The following INPP5F variants were observed in gnomAD, a reference collection of about 807,000 sequenced individuals.
The protein encoded by INPP5F is inositol polyphosphate-5-phosphatase F, also known as phosphatidylinositide 4-phosphatase SAC2.
A neutral mutation model predicts 137.2 loss-of-function variants in INPP5F; 97 were observed. The observed-to-expected ratio is 0.71, with a 90% confidence interval of 0.60 to 0.84. The LOEUF (loss-of-function observed/expected upper bound fraction) is 0.84. Among genes scored for constraint, INPP5F ranks in the 40% least tolerant of loss-of-function variants. INPP5F has a pLI of 0.00. For missense variants in INPP5F, 1,271 were observed against 1,371.9 expected, an observed-to-expected ratio of 0.93 and a Z score of 1.16; for synonymous variants, 504 against 476.9, an observed-to-expected ratio of 1.06 and a Z score of -0.74.
intron 6 of INPP5F, among the ~76,000 whole-genome samples, chr10:119,793,834 G>A (rs1850232183): frequency 6.6e-6 from 1 of 151,928 alleles, no homozygotes; most frequent in East Asian, 1.9e-4. Flanking sequence ...TAGTAGAGAC[G>A]GGGTTTCACC....
chr10:119,781,433 A>C (rs886137583), intron 2 of INPP5F, among the ~76,000 whole-genome samples: 1 of 152,150 alleles, frequency 6.6e-6, no homozygotes, highest in African/African-American at 2.4e-5. Context: ...TTTAATTTAC[A>C]TTTCTCTAAT....
Position 119,751,121 on chromosome 10 carries a change from T to C in INPP5F, c.143T>C (p.Val48Ala). 1 of 1,611,564 alleles carries C rather than the reference T, an allele frequency of 6.2e-7. No homozygotes were observed. Among genetic ancestry groups the C allele is most frequent in the Non-Finnish European group, 8.5e-7 (1 of 1,177,596 alleles). Residue 48 changes from valine (V) to alanine (A), a missense_variant, in exon 2 of 20, where the codon GTA (valine) becomes GCA (alanine). This residue lies in a region of INPP5F where 109 missense variants were observed against 105.1 expected (regional missense o/e 1.04). Coordinates refer to ENST00000650623, the MANE Select transcript of INPP5F (RefSeq NM_014937.4). ...LAWNPICLGL[V>A]EGVIGKIQLH... Reference sequence around the variant, plus strand: ...TGGAATCCCATTTGTTTGGGGTTGGTAGAAGGTGTTATTGGGAAAATTCAA... The same window carrying C: ...TGGAATCCCATTTGTTTGGGGTTGGCAGAAGGTGTTATTGGGAAAATTCAA...
At chr10:119,815,553 A>G (rs142720671) in intron 15 of INPP5F, 7 of 222,926 alleles carry the variant, frequency 3.1e-5, no homozygotes, top group African/African-American at 1.4e-4. Context: ...GGTTGTGAAA[A>G]TGTTGTCTTC....
At chr10:119,758,322 G>A (rs1023858518) in intron 2 of INPP5F, among the ~76,000 whole-genome samples, 1 of 152,120 alleles carries the variant, frequency 6.6e-6, no homozygotes, top group African/African-American at 2.4e-5. Flanking sequence ...GGAGCGGGGA[G>A]GCCTTGAGAG....
intron 15 of INPP5F, chr10:119,818,918 C>T (rs1851418843): frequency 6.6e-6 from 1 of 152,318 alleles, no homozygotes; most frequent in African/African-American, 2.4e-5. Context: ...CAAGATTTTT[C>T]TCCTTTTTGC....
chr10:119,752,799 AGTT>A (rs968780729), intron 2 of INPP5F, among the ~76,000 whole-genome samples: 2 of 151,920 alleles, frequency 1.3e-5, no homozygotes, highest in African/African-American at 4.8e-5. Context: ...AATGATATTA[AGTT>A]GTTTTTGTTC....
chr10:119,735,648 T>C (rs1362102285), intron 1 of INPP5F, among the ~76,000 whole-genome samples: 1 of 152,164 alleles, frequency 6.6e-6, no homozygotes, highest in East Asian at 1.9e-4. Context: ...CTGTGGTGGG[T>C]GGACCCGGGA....
At chr10:119,812,932 G>A (rs1413004694) in intron 15 of INPP5F, among the ~76,000 whole-genome samples, 2 of 149,226 alleles carry the variant, frequency 1.3e-5, no homozygotes, top group African/African-American at 4.9e-5. Flanking sequence ...AAAAAAAAAA[G>A]AGTACTTTTA....
intron 1 of INPP5F, among the ~76,000 whole-genome samples, chr10:119,737,087 C>G (rs555425198): frequency 3.3e-5 from 5 of 152,224 alleles, no homozygotes; most frequent in African/African-American, 1.2e-4. Context: ...TCTGGGCCCC[C>G]CAAAGTGCTG....
Position 119,805,419 on chromosome 10 carries a change from CAG to C in INPP5F, c.1279_1280del (p.Asp427CysfsTer4). 6.2e-7 allele frequency: 1 copy of C among 1,613,278 alleles called. No homozygotes were observed. The highest frequency in any genetic ancestry group is 8.5e-7 in the Non-Finnish European group (1 of 1,179,350). ...AAGTTTGAGAATGTTCAGACACTAA[CAG>C]ATGCCATTTATGACATTATTCTTGA... On this transcript the variant is annotated frameshift_variant, in exon 11 of 20. Coordinates refer to ENST00000650623, the MANE Select transcript of INPP5F (RefSeq NM_014937.4). LOFTEE classifies it high-confidence loss of function.
At chr10:119,794,830 G>A (rs1392510653) in intron 6 of INPP5F, among the ~76,000 whole-genome samples, 2 of 119,130 alleles carry the variant, frequency 1.7e-5, no homozygotes. Flanking sequence ...CAGAAGGGGC[G>A]GCTGGCCGGG....
At chr10:119,763,506 C>T (rs1453720555) in intron 2 of INPP5F, among the ~76,000 whole-genome samples, 1 of 152,218 alleles carries the variant, frequency 6.6e-6, no homozygotes, top group Non-Finnish European at 1.5e-5. Flanking sequence ...CTCTATGGTC[C>T]TGGCCTGTAA....
At chr10:119,825,681 A>T (rs1277343331) in intron 19 of INPP5F, among the ~76,000 whole-genome samples, 1 of 152,250 alleles carries the variant, frequency 6.6e-6, no homozygotes, top group Non-Finnish European at 1.5e-5. Flanking sequence ...GAATTTGGAA[A>T]AAGAATGCCT....
intron 12 of INPP5F, 116 bp from the exon 13 acceptor site, chr10:119,807,816 C>G: frequency 1.1e-6 from 1 of 950,376 alleles, no homozygotes; most frequent in African/African-American, 1.8e-5. Context: ...AAGACCATTT[C>G]TCTTATTTAA....
At chr10:119,793,211 G>T (rs531944573) in intron 6 of INPP5F, among the ~76,000 whole-genome samples, 44 of 152,270 alleles carry the variant, frequency 2.9e-4, no homozygotes, top group Middle Eastern at 3.4e-3. Context: ...CTGACGACTT[G>T]AAGTCGTCAT....
chr10:119,798,495 G>A (rs891048001), intron 8 of INPP5F, 48 bp from the exon 9 acceptor site: 2 of 1,350,376 alleles, frequency 1.5e-6, no homozygotes, highest in African/African-American at 1.4e-5. Flanking sequence ...ACACTAATAT[G>A]TCTTAAACAT....
At chr10:119,778,373 C>A (rs72826423) in intron 2 of INPP5F, among the ~76,000 whole-genome samples, 1 of 152,068 alleles carries the variant, frequency 6.6e-6, no homozygotes, top group African/African-American at 2.4e-5. Context: ...ATAATAAATT[C>A]CTGAAACACA....
chr10:119,780,411 A>T (rs531241977), intron 2 of INPP5F, among the ~76,000 whole-genome samples: 1 of 149,696 alleles, frequency 6.7e-6, no homozygotes, highest in East Asian at 1.9e-4. Context: ...CCCATCTCTT[A>T]AAAAAAAGTA....
chr10:119,789,351 A>G (rs1272690612), intron 3 of INPP5F, among the ~76,000 whole-genome samples: 1 of 152,168 alleles, frequency 6.6e-6, no homozygotes, highest in Non-Finnish European at 1.5e-5. Flanking sequence ...TATTCATATG[A>G]CTAATCACTG....
Sources: allele counts gnomAD v4.1 joint callset (sites outside exome capture counted in the v4.1 genomes callset), GRCh38; gene constraint gnomAD v4.1.1; regional missense constraint gnomAD v4.1.1; transcripts MANE v1.5; gene names NCBI Gene and HGNC (gene_info 2026-07-23, HGNC 2026-07-21).